PCDH9: variants seen among roughly 807,000 people sequenced by gnomAD.
The protein encoded by PCDH9 is protocadherin-9.
A neutral mutation model predicts 70.6 loss-of-function variants in PCDH9; 24 were observed. That is an observed-to-expected ratio of 0.34 (90% CI 0.25 to 0.48). The LOEUF (loss-of-function observed/expected upper bound fraction) is 0.48, where lower values mean the gene tolerates loss of function less well. Among genes scored for constraint, PCDH9 ranks in the 20% least tolerant of loss-of-function variants. The pLI, the probability that PCDH9 is intolerant of heterozygous loss-of-function variation, is 0.99. For synonymous variants in PCDH9, 562 were observed against 558.5 expected (o/e 1.01, Z -0.09); for missense variants, 1,281 against 1,503.6 (o/e 0.85, Z 2.45).
intron 4 of PCDH9, among the ~76,000 whole-genome samples, chr13:66,360,799 C>A (rs998287256): frequency 6.6e-6 from 1 of 151,782 alleles, no homozygotes; most frequent in African/African-American, 2.4e-5. Context: ...TTTTTTTTAA[C>A]CTCATCAATA....
At chr13:66,879,682 C>A (rs1371238307) in intron 3 of PCDH9, among the ~76,000 whole-genome samples, 2 of 151,910 alleles carry the variant, frequency 1.3e-5, no homozygotes, top group South Asian at 2.1e-4. Context: ...TAAAAGATAT[C>A]TTTGACAAAA....
At chr13:67,216,689 T>TATATATATATATATATATATAG in intron 2 of PCDH9, 1 of 139,624 alleles carries the variant, frequency 7.2e-6, no homozygotes, top group Non-Finnish European at 1.6e-5. Flanking sequence ...GCAACATATA[T>TATATATATATATATATATATAG]ATATATATAT....
chr13:66,524,780 G>A (rs896747395), intron 4 of PCDH9, among the ~76,000 whole-genome samples: 8 of 151,994 alleles, frequency 5.3e-5, no homozygotes, highest in Admixed American at 3.3e-4. Flanking sequence ...ATATGTTGCC[G>A]TTTATAATAA....
intron 2 of PCDH9, among the ~76,000 whole-genome samples, chr13:67,067,410 A>G (rs2085669160): frequency 6.6e-6 from 1 of 152,076 alleles, no homozygotes; most frequent in Non-Finnish European, 1.5e-5. Flanking sequence ...TGAATGAGAT[A>G]TTTCCATTTT....
At chr13:67,217,982 T>C (rs1330712158) in intron 2 of PCDH9, 1 of 152,080 alleles carries the variant, frequency 6.6e-6, no homozygotes, top group African/African-American at 2.4e-5. Context: ...GTTTCTGCAT[T>C]TGGAAAAAAT....
At chr13:66,459,203 C>T (rs1004994255) in intron 4 of PCDH9, among the ~76,000 whole-genome samples, 1 of 151,888 alleles carries the variant, frequency 6.6e-6, no homozygotes, top group African/African-American at 2.4e-5. Context: ...GAGAGGTTGA[C>T]CCAGAGGATA....
intron 2 of PCDH9, among the ~76,000 whole-genome samples, chr13:66,958,619 A>G (rs1193241301): frequency 2.0e-5 from 3 of 152,324 alleles, no homozygotes; most frequent in Admixed American, 2.0e-4. Context: ...TTTCTCTCTT[A>G]GAAGTACAAC....
At chr13:67,071,254 C>A (rs2085756428) in intron 2 of PCDH9, among the ~76,000 whole-genome samples, 1 of 151,998 alleles carries the variant, frequency 6.6e-6, no homozygotes, top group Non-Finnish European at 1.5e-5. Context: ...TTTTCTTAAA[C>A]CAAATAAATG....
chr13:66,499,043 G>C (rs924855765), intron 4 of PCDH9, among the ~76,000 whole-genome samples: 4 of 151,880 alleles, frequency 2.6e-5, no homozygotes, highest in Admixed American at 1.3e-4. Flanking sequence ...CTTATATTCT[G>C]ATGGATATGT....
At chr13:66,320,760 A>G (rs1380740555) in intron 4 of PCDH9, among the ~76,000 whole-genome samples, 1 of 152,002 alleles carries the variant, frequency 6.6e-6, no homozygotes, top group Non-Finnish European at 1.5e-5. Context: ...TGACAGTAGT[A>G]TTATTTTAGT....
At chr13:66,901,578 G>T (rs1345101377) in intron 3 of PCDH9, among the ~76,000 whole-genome samples, 1 of 151,614 alleles carries the variant, frequency 6.6e-6, no homozygotes, top group Non-Finnish European at 1.5e-5. Context: ...AACTATAGTA[G>T]ATTTACTTTC....
At chr13:66,903,346 T>G (rs1031495538) in intron 3 of PCDH9, among the ~76,000 whole-genome samples, 158 bp downstream of exon 3, 1 of 151,876 alleles carries the variant, frequency 6.6e-6, no homozygotes, top group Non-Finnish European at 1.5e-5. Flanking sequence ...GTTCTAAAAT[T>G]ATTTACTTAA....
chr13:66,623,380 T>C (rs1288547809), intron 4 of PCDH9, among the ~76,000 whole-genome samples: 1 of 152,160 alleles, frequency 6.6e-6, no homozygotes, highest in Admixed American at 6.5e-5. Context: ...AGCTGTGGAG[T>C]CAGACACTCC....
intron 4 of PCDH9, among the ~76,000 whole-genome samples, chr13:66,498,284 A>G (rs1959149681): frequency 6.6e-6 from 1 of 152,002 alleles, no homozygotes; most frequent in East Asian, 1.9e-4. Flanking sequence ...AGCTGGGACT[A>G]CAGGCGCCCA....
At chr13:67,158,529 C>CA (rs1475318618) in intron 2 of PCDH9, among the ~76,000 whole-genome samples, 1 of 152,114 alleles carries the variant, frequency 6.6e-6, no homozygotes, top group Non-Finnish European at 1.5e-5. Flanking sequence ...AGGTTAGTGC[C>CA]CCTATATGAA....
chr13:66,433,113 T>A (rs879677171), intron 4 of PCDH9, among the ~76,000 whole-genome samples: 1 of 151,954 alleles, frequency 6.6e-6, no homozygotes, highest in South Asian at 2.1e-4. Context: ...GTAATTGTCA[T>A]TTGAAATGGA....
intron 4 of PCDH9, among the ~76,000 whole-genome samples, chr13:66,470,479 C>A (rs184779816): frequency 1.3e-5 from 2 of 152,030 alleles, no homozygotes; most frequent in African/African-American, 4.8e-5. Flanking sequence ...AAAGTGTTAA[C>A]GCATCTTTGA....
At chr13:67,147,926 T>C (rs1369465460) in intron 2 of PCDH9, among the ~76,000 whole-genome samples, 1 of 152,152 alleles carries the variant, frequency 6.6e-6, no homozygotes, top group African/African-American at 2.4e-5. Context: ...ATGCATTACA[T>C]GCAGGATAAA....
At chr13:66,412,154 A>G (rs2138325591) in intron 4 of PCDH9, among the ~76,000 whole-genome samples, 1 of 152,208 alleles carries the variant, frequency 6.6e-6, no homozygotes, top group Middle Eastern at 3.4e-3. Context: ...ATTATAGAAA[A>G]TTTTCTGTAA....
Sources: allele counts gnomAD v4.1 joint callset (sites outside exome capture counted in the v4.1 genomes callset), GRCh38; gene constraint gnomAD v4.1.1; transcripts MANE v1.5; gene names NCBI Gene and HGNC (gene_info 2026-07-23, HGNC 2026-07-21).